CCDC171: variants seen among roughly 807,000 people sequenced by gnomAD.
CCDC171 encodes coiled-coil domain-containing protein 171.
A neutral mutation model predicts 168.2 loss-of-function variants in CCDC171; 177 were observed. That is an observed-to-expected ratio of 1.05 (90% CI 0.93 to 1.19). The LOEUF (loss-of-function observed/expected upper bound fraction) is 1.19. Among genes scored for constraint, CCDC171 ranks in the 50% most tolerant of loss-of-function variants. CCDC171 has a pLI of 0.00. For missense variants in CCDC171, 1,991 were observed against 1,539.0 expected, an observed-to-expected ratio of 1.29 and a Z score of -4.91; for synonymous variants, 687 against 540.8, an observed-to-expected ratio of 1.27 and a Z score of -3.75.
chr9:15,588,990 G>C (rs1005866957), intron 4 of CCDC171, among the ~76,000 whole-genome samples: 2 of 151,882 alleles, frequency 1.3e-5, no homozygotes, highest in African/African-American at 2.4e-5. Flanking sequence ...GATTACAGGC[G>C]TGAGCCACCG....
intron 6 of CCDC171, among the ~76,000 whole-genome samples, chr9:16,033,697 C>G (rs762566698): frequency 6.6e-6 from 1 of 152,060 alleles, no homozygotes; most frequent in African/African-American, 2.4e-5. Flanking sequence ...CCCCCCACCC[C>G]CTGTCTGTGG....
chr9:15,874,503 T>C, intron 23 of CCDC171, 29 bp from the exon 24 acceptor site: 1 of 1,568,096 alleles, frequency 6.4e-7, no homozygotes, highest in East Asian at 2.3e-5. Flanking sequence ...GAAGGGGAAT[T>C]ACCATTGATG....
intron 24 of CCDC171, among the ~76,000 whole-genome samples, chr9:15,894,998 C>T (rs901925099): frequency 1.3e-5 from 2 of 151,928 alleles, no homozygotes; most frequent in Admixed American, 1.3e-4. Flanking sequence ...GGATTTTCTC[C>T]CTTGTGGCCT....
intron 25 of CCDC171, among the ~76,000 whole-genome samples, chr9:15,938,272 G>C (rs956856570): frequency 6.6e-6 from 1 of 151,738 alleles, no homozygotes; most frequent in Admixed American, 6.6e-5. Flanking sequence ...ACTAAAGATG[G>C]GAATAGATTT....
At chr9:15,800,737 T>C (rs544737217) in intron 21 of CCDC171, among the ~76,000 whole-genome samples, 5 of 152,272 alleles carry the variant, frequency 3.3e-5, no homozygotes, top group African/African-American at 1.2e-4. Context: ...AGTAGTTTTA[T>C]AGTTTGAGCT....
chr9:15,658,121 A>G (rs1455740194), intron 8 of CCDC171, among the ~76,000 whole-genome samples: 1 of 152,264 alleles, frequency 6.6e-6, no homozygotes, highest in East Asian at 1.9e-4. Flanking sequence ...GGATAAAGCC[A>G]CTAAATAAAA....
At chr9:15,931,456 C>CTTTTTTT (rs57124025) in intron 25 of CCDC171, among the ~76,000 whole-genome samples, 298 of 44,894 alleles carry the variant, frequency 6.6e-3, no homozygotes, top group Non-Finnish European at 8.6e-3. Context: ...TTCTTTCTTT[C>CTTTTTTT]TTTTTTTTTT....
intron 6 of CCDC171, among the ~76,000 whole-genome samples, 170 bp from the exon 7 acceptor site, chr9:15,623,097 G>A (rs889639857): frequency 1.5e-4 from 23 of 152,054 alleles, no homozygotes; most frequent in African/African-American, 4.6e-4. Context: ...TTAAACACAT[G>A]GACATTCTGA....
chr9:15,916,010 T>G (rs918071178), intron 24 of CCDC171, among the ~76,000 whole-genome samples: 2 of 152,142 alleles, frequency 1.3e-5, no homozygotes, highest in African/African-American at 4.8e-5. Flanking sequence ...TGGATTCTAT[T>G]TGCTAGTATT....
chr9:15,805,940 C>A (rs1402862718), intron 21 of CCDC171, among the ~76,000 whole-genome samples: 1 of 152,018 alleles, frequency 6.6e-6, no homozygotes, highest in African/African-American at 2.4e-5. Flanking sequence ...CTAGATGCTC[C>A]TTTATTGTGT....
chr9:15,581,980 C>T (rs1182746369), intron 4 of CCDC171, among the ~76,000 whole-genome samples: 1 of 152,164 alleles, frequency 6.6e-6, no homozygotes, highest in African/African-American at 2.4e-5. Flanking sequence ...AAACTATCAT[C>T]AGAATGAACA....
chr9:15,804,336 T>C (rs923976122), intron 21 of CCDC171, among the ~76,000 whole-genome samples: 4 of 152,192 alleles, frequency 2.6e-5, no homozygotes, highest in African/African-American at 9.7e-5. Flanking sequence ...GCTTCCAGCT[T>C]TTGCTCATAC....
At chr9:15,673,308 T>C (rs979357695) in intron 9 of CCDC171, among the ~76,000 whole-genome samples, 22 of 152,236 alleles carry the variant, frequency 1.4e-4, no homozygotes, top group African/African-American at 4.8e-4. Flanking sequence ...CAGGGATAAT[T>C]TGACTTCCTC....
At chr9:15,767,003 T>TA (rs1006576830) in intron 18 of CCDC171, among the ~76,000 whole-genome samples, 1 of 152,148 alleles carries the variant, frequency 6.6e-6, no homozygotes, top group African/African-American at 2.4e-5. Context: ...CAGTTTTTTT[T>TA]AAAAATGCCA....
At chr9:15,919,199 A>T (rs918931488) in intron 24 of CCDC171, among the ~76,000 whole-genome samples, 1 of 151,622 alleles carries the variant, frequency 6.6e-6, no homozygotes, top group African/African-American at 2.4e-5. Context: ...GAGGGCAAAT[A>T]AGAATTTATT....
chr9:15,572,485 A>T (rs900459272), intron 3 of CCDC171, among the ~76,000 whole-genome samples: 1 of 152,162 alleles, frequency 6.6e-6, no homozygotes, highest in Non-Finnish European at 1.5e-5. Context: ...TTGGTTTCTC[A>T]TTGTGAACTG....
At chr9:15,618,336 C>T (rs1363990916) in intron 6 of CCDC171, among the ~76,000 whole-genome samples, 1 of 152,158 alleles carries the variant, frequency 6.6e-6, no homozygotes, top group Non-Finnish European at 1.5e-5. Context: ...AAACCACCTA[C>T]GAAAGCCTCA....
chr9:15,917,025 T>C (rs1266622676), intron 24 of CCDC171, among the ~76,000 whole-genome samples: 1 of 151,984 alleles, frequency 6.6e-6, no homozygotes, highest in Admixed American at 6.6e-5. Context: ...AATAATGTGA[T>C]CTTTTAATAA....
intron 6 of CCDC171, among the ~76,000 whole-genome samples, chr9:15,597,761 A>G (rs1203840571): frequency 6.6e-6 from 1 of 152,170 alleles, no homozygotes; most frequent in Non-Finnish European, 1.5e-5. Flanking sequence ...TTCGGCTGTG[A>G]ATCCATCTGG....
Sources: gnomAD v4.1 joint callset for allele counts (sites outside exome capture counted in the v4.1 genomes callset) on GRCh38, gnomAD v4.1.1 for gene constraint, MANE v1.5 for transcripts, NCBI Gene and HGNC (gene_info 2026-07-23, HGNC 2026-07-21) for gene names.